Variants in MTUS2 observed in about 807,000 individuals in gnomAD.
MTUS2 encodes microtubule-associated tumor suppressor candidate 2.
In MTUS2, 40 loss-of-function variants were observed where a neutral mutation model predicts 114.1. The ratio of observed to expected loss-of-function variants is 0.35; its 90% CI spans 0.27 to 0.46. The LOEUF is 0.46. MTUS2 is among the 20% of genes least tolerant of loss of function. MTUS2 has a pLI of 1.00. For synonymous variants in MTUS2, 688 were observed against 672.0 expected, an observed-to-expected ratio of 1.02 and a Z score of -0.37; for missense variants, 1,679 against 1,705.4, an observed-to-expected ratio of 0.98 and a Z score of 0.27.
chr13:29,059,808 C>T (rs1006401854), intron 4 of MTUS2, among the ~76,000 whole-genome samples: 1 of 152,174 alleles, frequency 6.6e-6, no homozygotes. Flanking sequence ...GAAGTGGGAC[C>T]GTTTGTCTGT....
chr13:28,955,724 T>C (rs1214032139), intron 2 of MTUS2, among the ~76,000 whole-genome samples: 1 of 152,048 alleles, frequency 6.6e-6, no homozygotes, highest in Non-Finnish European at 1.5e-5. Context: ...GTTGACACTT[T>C]ATCACTCTCA....
chr13:28,958,800 G>A lies in MTUS2; in HGVS notation c.-242-65657G>A, dbSNP rs1478354153. Among the ~76,000 whole-genome samples the A allele has an allele frequency of 2.0e-5, 3 of 152,202 alleles. No homozygotes were observed. In the East Asian group the frequency reaches 5.8e-4, roughly 29 times the overall value. Reference sequence around the variant, plus strand: ...AGCTGTAGCTGTGGATGTTTGCATCGTTGAGCTTGTCAGCAAGGTTAAATT... The same window carrying A: ...AGCTGTAGCTGTGGATGTTTGCATCATTGAGCTTGTCAGCAAGGTTAAATT... On this transcript the variant is annotated intron_variant, in intron 2 of 15. Transcript: ENST00000612955.
intron 2 of MTUS2, among the ~76,000 whole-genome samples, chr13:28,952,601 C>T (rs941898748): frequency 1.3e-5 from 2 of 152,134 alleles, no homozygotes; most frequent in African/African-American, 4.8e-5. Context: ...TGGTGCATAT[C>T]TTTTTATGTT....
intron 5 of MTUS2, among the ~76,000 whole-genome samples, chr13:29,102,683 A>G (rs1337671588): frequency 2.6e-5 from 4 of 152,224 alleles, no homozygotes; most frequent in Admixed American, 2.6e-4. Flanking sequence ...CCTACTATAT[A>G]TGTAATTTTT....
intron 2 of MTUS2, among the ~76,000 whole-genome samples, chr13:28,849,445 T>C (rs1007668720): frequency 1.3e-5 from 2 of 152,164 alleles, no homozygotes; most frequent in African/African-American, 4.8e-5. Context: ...CAGAGGAATA[T>C]GCTCTAAGCA....
intron 7 of MTUS2, among the ~76,000 whole-genome samples, chr13:29,335,300 G>A (rs1413228044): frequency 1.3e-5 from 2 of 152,142 alleles, no homozygotes; most frequent in African/African-American, 4.8e-5. Context: ...TTATTAGGAC[G>A]AGGAAATTCC....
intron 9 of MTUS2, among the ~76,000 whole-genome samples, chr13:29,463,304 A>G (rs576503988): frequency 6.6e-6 from 1 of 152,224 alleles, no homozygotes; most frequent in Non-Finnish European, 1.5e-5. Context: ...CTGTGGGGTC[A>G]TAAAGAGGAG....
chr13:29,196,755 T>A (rs942851764), intron 5 of MTUS2, among the ~76,000 whole-genome samples: 6 of 152,208 alleles, frequency 3.9e-5, no homozygotes, highest in African/African-American at 1.4e-4. Flanking sequence ...TCTCTAAGTT[T>A]TATCCATACT....
At chr13:29,352,283 A>G (rs1191010808) in intron 7 of MTUS2, among the ~76,000 whole-genome samples, 1 of 152,226 alleles carries the variant, frequency 6.6e-6, no homozygotes, top group Non-Finnish European at 1.5e-5. Context: ...GTGATGATGC[A>G]TGTAAAGCAC....
At chr13:29,105,981 C>T (rs1169102810) in intron 5 of MTUS2, among the ~76,000 whole-genome samples, 5 of 152,072 alleles carry the variant, frequency 3.3e-5, no homozygotes, top group Non-Finnish European at 4.4e-5. Flanking sequence ...GCCACTTCAT[C>T]GTGGCGCTGT....
chr13:29,296,948 T>G (rs1898974153), intron 6 of MTUS2, among the ~76,000 whole-genome samples: 1 of 152,202 alleles, frequency 6.6e-6, no homozygotes, highest in African/African-American at 2.4e-5. Flanking sequence ...CTTTTTAGTT[T>G]TACATAATTC....
At chr13:29,233,871 A>T (rs1448728953) in intron 5 of MTUS2, among the ~76,000 whole-genome samples, 1 of 152,222 alleles carries the variant, frequency 6.6e-6, no homozygotes, top group Non-Finnish European at 1.5e-5. Flanking sequence ...TGAAAAAGAC[A>T]TTTGAAAAGT....
intron 5 of MTUS2, among the ~76,000 whole-genome samples, chr13:29,205,063 G>A (rs1895127095): frequency 1.3e-5 from 2 of 152,192 alleles, no homozygotes; most frequent in South Asian, 4.1e-4. Flanking sequence ...AAAGGTAGAA[G>A]ACAGAATTTC....
At chr13:28,946,581 T>A (rs1185110880) in intron 2 of MTUS2, among the ~76,000 whole-genome samples, 1 of 152,212 alleles carries the variant, frequency 6.6e-6, no homozygotes, top group Non-Finnish European at 1.5e-5. Flanking sequence ...TTCAGGCATA[T>A]CAACATGGAT....
intron 2 of MTUS2, among the ~76,000 whole-genome samples, chr13:28,928,913 G>A (rs1380474433): frequency 6.6e-6 from 1 of 152,068 alleles, no homozygotes. Context: ...GTGTGCGTAT[G>A]TGTGTGTGTG....
intron 14 of MTUS2, 23 bp downstream of exon 14, chr13:29,498,560 G>A (rs201055546): frequency 1.9e-6 from 3 of 1,613,546 alleles, no homozygotes; most frequent in Non-Finnish European, 2.5e-6. Flanking sequence ...GTTTGCTCGG[G>A]AGAGTAACCT....
At chr13:28,974,365 C>G (rs1883991749) in intron 2 of MTUS2, among the ~76,000 whole-genome samples, 1 of 152,074 alleles carries the variant, frequency 6.6e-6, no homozygotes, top group African/African-American at 2.4e-5. Context: ...CAGTTTGGGC[C>G]AAACAAACTG....
At chr13:28,884,758 A>G (rs968247441) in intron 2 of MTUS2, among the ~76,000 whole-genome samples, 1 of 152,206 alleles carries the variant, frequency 6.6e-6, no homozygotes, top group African/African-American at 2.4e-5. Context: ...CGAAATGTAC[A>G]TAGGACCTTG....
chr13:29,000,857 A>G (rs907637016), intron 2 of MTUS2, among the ~76,000 whole-genome samples: 2 of 152,068 alleles, frequency 1.3e-5, no homozygotes, highest in African/African-American at 4.8e-5. Context: ...TACCTCTGAT[A>G]GCCTCCCAGT....
Sources: gnomAD v4.1 joint callset for allele counts (sites outside exome capture counted in the v4.1 genomes callset) on GRCh38, gnomAD v4.1.1 for gene constraint, MANE v1.5 for transcripts, NCBI Gene and HGNC (gene_info 2026-07-23, HGNC 2026-07-21) for gene names.